PAPPA2: variants seen among roughly 807,000 people sequenced by gnomAD.
The protein encoded by PAPPA2 is pappalysin 2.
Under a neutral mutation model 176.4 loss-of-function variants are expected in PAPPA2, and 86 were observed. The observed-to-expected ratio is 0.49, with a 90% CI of 0.41 to 0.58. The LOEUF (loss-of-function observed/expected upper bound fraction) is 0.58, where lower values mean the gene tolerates loss of function less well. Ranked by LOEUF, PAPPA2 falls within the 20% of genes least tolerant of loss-of-function variation. The pLI, the probability that PAPPA2 is intolerant of heterozygous loss-of-function variation, is 0.00. For missense variants in PAPPA2, 2,073 were observed against 2,256.9 expected, an observed-to-expected ratio of 0.92 and a Z score of 1.65; for synonymous variants, 809 against 852.2, an observed-to-expected ratio of 0.95 and a Z score of 0.88.
intron 20 of PAPPA2, among the ~76,000 whole-genome samples, chr1:176,797,126 C>T (rs753170373): frequency 1.6e-4 from 24 of 152,202 alleles, no homozygotes; most frequent in South Asian, 4.2e-4. Context: ...CATAGTAATG[C>T]ATAGATTTGC....
chr1:176,639,305 G>C (rs2102723523), intron 3 of PAPPA2, among the ~76,000 whole-genome samples: 1 of 152,174 alleles, frequency 6.6e-6, no homozygotes, highest in East Asian at 1.9e-4. Flanking sequence ...CTTAGACAGA[G>C]AAGCATGGCC....
chr1:176,601,239 A>G (rs1281448264), intron 3 of PAPPA2, among the ~76,000 whole-genome samples: 2 of 152,184 alleles, frequency 1.3e-5, no homozygotes, highest in Non-Finnish European at 2.9e-5. Flanking sequence ...GAGGACCTTC[A>G]CTAGATGCAG....
chr1:176,512,872 A>G (rs1254743084), intron 1 of PAPPA2, among the ~76,000 whole-genome samples: 1 of 152,214 alleles, frequency 6.6e-6, no homozygotes, highest in Non-Finnish European at 1.5e-5. Context: ...AAGAGGTGCA[A>G]CAACAGGTCA....
intron 1 of PAPPA2, among the ~76,000 whole-genome samples, chr1:176,540,503 C>T (rs1478272507): frequency 6.6e-6 from 1 of 152,178 alleles, no homozygotes; most frequent in African/African-American, 2.4e-5. Context: ...TGTCTTTCTC[C>T]CTAATGTATC....
intron 3 of PAPPA2, among the ~76,000 whole-genome samples, chr1:176,623,775 C>CTTTCTTTT (rs1204107864): frequency 6.3e-4 from 65 of 103,746 alleles, no homozygotes; most frequent in Non-Finnish European, 1.1e-3. Context: ...TTCTTTCTTT[C>CTTTCTTTT]TTTCTTTCTT....
chr1:176,590,423 T>A (rs200278224), intron 2 of PAPPA2, among the ~76,000 whole-genome samples: 3 of 152,216 alleles, frequency 2.0e-5, no homozygotes, highest in African/African-American at 4.8e-5. Context: ...ATTTTTTTTT[T>A]ATCTTCAGAG....
intron 5 of PAPPA2, 200 bp downstream of exon 5, chr1:176,690,630 T>G: frequency 1.5e-6 from 2 of 1,378,888 alleles, no homozygotes; most frequent in Non-Finnish European, 1.9e-6. Flanking sequence ...ATTAAGGTAC[T>G]TTGTTCACTG....
intron 1 of PAPPA2, among the ~76,000 whole-genome samples, chr1:176,525,144 A>G (rs1044653027): frequency 3.3e-5 from 5 of 152,208 alleles, no homozygotes; most frequent in African/African-American, 1.2e-4. Context: ...TATAGGAACT[A>G]TCTCTTACTT....
chr1:176,701,464 C>G (rs551730043), intron 8 of PAPPA2, among the ~76,000 whole-genome samples: 1 of 152,302 alleles, frequency 6.6e-6, no homozygotes, highest in African/African-American at 2.4e-5. Flanking sequence ...CTGGCATTCT[C>G]ATGAGAGGTT....
intron 3 of PAPPA2, among the ~76,000 whole-genome samples, chr1:176,623,781 T>TTC (rs1261602842): frequency 8.4e-6 from 1 of 118,476 alleles, no homozygotes; most frequent in Non-Finnish European, 1.8e-5. Context: ...CTTTCTTTCT[T>TTC]TCTTTCTTTC....
At position 176,595,475 on chromosome 1, in the gene PAPPA2, G is replaced by A; in HGVS notation, c.1871G>A (p.Arg624Lys). ...LQGRCYSWNRRDGLCHVECNN... is the reference protein window; with the variant it reads ...LQGRCYSWNRKDGLCHVECNN... ...GGCCGCTGCTACTCCTGGAACCGCA[G>A]GGATGGGCTCTGTCACGTGGAGTGT... The change falls in exon 3 of 23, where the codon AGG (arginine) becomes AAG (lysine). Residue 624 changes from arginine to lysine, a missense_variant. Physicochemically the swap from Arg to Lys is conservative, Grantham distance 26 (BLOSUM62 2). Transcript: ENST00000367662. 6.2e-7 allele frequency: 1 copy of A among 1,614,202 alleles called. No individual in the cohort carries two copies. The highest frequency in any genetic ancestry group is 8.5e-7 in the Non-Finnish European group (1 of 1,180,046).
At chr1:176,805,262 A>T (rs1665854423) in intron 21 of PAPPA2, among the ~76,000 whole-genome samples, 1 of 152,180 alleles carries the variant, frequency 6.6e-6, no homozygotes, top group South Asian at 2.1e-4. Context: ...CATAGAACTG[A>T]TTAGTTTTCT....
At chr1:176,499,597 C>G (rs185712102) in intron 1 of PAPPA2, among the ~76,000 whole-genome samples, 7 of 152,118 alleles carry the variant, frequency 4.6e-5, no homozygotes, top group African/African-American at 1.7e-4. Flanking sequence ...TGACTTCTAG[C>G]CCAGATCTGG....
chr1:176,606,470 G>A (rs1345536768), intron 3 of PAPPA2, among the ~76,000 whole-genome samples: 1 of 151,932 alleles, frequency 6.6e-6, no homozygotes, highest in African/African-American at 2.4e-5. Flanking sequence ...TAGAAGAGAT[G>A]AGTTTCTTTT....
intron 1 of PAPPA2, among the ~76,000 whole-genome samples, chr1:176,466,546 T>C (rs570714095): frequency 6.6e-6 from 1 of 152,276 alleles, no homozygotes; most frequent in Admixed American, 6.5e-5. Context: ...AGAGGAACCA[T>C]ACTTACATAT....
chr1:176,547,690 C>A (rs868125088), intron 1 of PAPPA2, among the ~76,000 whole-genome samples: 2 of 152,122 alleles, frequency 1.3e-5, no homozygotes, highest in South Asian at 4.1e-4. Context: ...GTCTGTCTTA[C>A]GCATTGGAAG....
chr1:176,715,823 A>G (rs1244651729), intron 12 of PAPPA2, among the ~76,000 whole-genome samples: 3 of 152,140 alleles, frequency 2.0e-5, no homozygotes. Flanking sequence ...CCCTACAATC[A>G]TTAGCCACCA....
At chr1:176,631,712 G>A (rs537350607) in intron 3 of PAPPA2, among the ~76,000 whole-genome samples, 9 of 152,170 alleles carry the variant, frequency 5.9e-5, no homozygotes, top group South Asian at 2.1e-4. Flanking sequence ...AGATGACAGC[G>A]GGTAAGAGTG....
At chr1:176,799,996 G>T in intron 20 of PAPPA2, 65 bp from the exon 21 acceptor site, 1 of 1,532,386 alleles carries the variant, frequency 6.5e-7, no homozygotes, top group South Asian at 1.1e-5. Flanking sequence ...CTCAGGATTT[G>T]CCCCTTCTCA....
Sources: gnomAD v4.1 joint callset for allele counts (sites outside exome capture counted in the v4.1 genomes callset) on GRCh38, gnomAD v4.1.1 for gene constraint, MANE v1.5 for transcripts, NCBI Gene and HGNC (gene_info 2026-07-23, HGNC 2026-07-21) for gene names.